C10orf67: variants seen among roughly 807,000 people sequenced by gnomAD.
C10orf67 encodes the protein uncharacterized protein C10orf67, mitochondrial.
In C10orf67, 60 loss-of-function variants were observed where a neutral mutation model predicts 35.6. That is an observed-to-expected ratio of 1.68 (90% CI 1.37 to 2.09). C10orf67 has a LOEUF of 2.09. Among genes scored for constraint, C10orf67 ranks in the 30% most tolerant of loss-of-function variants. C10orf67 has a pLI of 0.00. For missense variants in C10orf67, 474 were observed against 330.2 expected (o/e 1.44, Z -3.38); for synonymous variants, 167 against 115.8 (o/e 1.44, Z -2.84).
intron 12 of C10orf67, among the ~76,000 whole-genome samples, chr10:23,240,194 A>C (rs1042553220): frequency 5.9e-5 from 9 of 152,120 alleles, no homozygotes; most frequent in Non-Finnish European, 1.3e-4. Flanking sequence ...CTGTCTGACA[A>C]AAAACCAAAA....
At chr10:23,252,888 A>G (rs1314893029) in intron 10 of C10orf67, among the ~76,000 whole-genome samples, 2 of 152,082 alleles carry the variant, frequency 1.3e-5, no homozygotes, top group Non-Finnish European at 2.9e-5. Context: ...TAGCTCCCAT[A>G]ATTCCCACGT....
chr10:23,236,255 A>G lies in C10orf67; in HGVS notation c.1434+3474T>C, dbSNP rs1184672522. 1.7e-4 allele frequency among the ~76,000 whole-genome samples: 5 copies of G among 29,120 alleles called. No homozygotes were observed. In the South Asian group the frequency reaches 5.2e-3, roughly 31 times the overall value. 19.1% of individuals were successfully genotyped at this position (29,120 alleles called of 152,430 possible). On this transcript the variant is annotated intron_variant, in intron 13 of 15. Transcript: ENST00000636213. ...CAGAGCGAGACTCCCTCTCGGGGGA[A>G]AAAAAAAAAAAAAAAAAAAAAAAAA...
At chr10:23,250,333 TC>T (rs1249547406) in intron 12 of C10orf67, 121 bp downstream of exon 12, 3 of 394,582 alleles carry the variant, frequency 7.6e-6, no homozygotes, top group Non-Finnish European at 1.3e-5. Flanking sequence ...ATTTTGCATT[TC>T]TTGTAGAAGT....
chr10:23,304,804 G>T (rs1004581429), intron 4 of C10orf67, among the ~76,000 whole-genome samples: 1 of 152,148 alleles, frequency 6.6e-6, no homozygotes. Context: ...CCCACCATCT[G>T]CAAACCCAAC....
chr10:23,339,100 T>C (rs1373562582), intron 1 of C10orf67, among the ~76,000 whole-genome samples: 1 of 152,218 alleles, frequency 6.6e-6, no homozygotes, highest in Non-Finnish European at 1.5e-5. Context: ...CTTTAGGATC[T>C]GCTGGTTTGG....
At chr10:23,344,297 G>T in intron 1 of C10orf67, 1 of 510,084 alleles carries the variant, frequency 2.0e-6, no homozygotes, top group Non-Finnish European at 3.5e-6. Context: ...TGGGGGAAGG[G>T]GGAAGAGATG....
intron 8 of C10orf67, among the ~76,000 whole-genome samples, chr10:23,276,034 C>T (rs944904853): frequency 1.2e-4 from 19 of 152,138 alleles, no homozygotes; most frequent in East Asian, 1.2e-3. Context: ...GAAGCTTCCA[C>T]GTTTCTTCCC....
At chr10:23,219,762 T>A (rs984574928) in intron 15 of C10orf67, among the ~76,000 whole-genome samples, 2 of 152,220 alleles carry the variant, frequency 1.3e-5, no homozygotes, top group African/African-American at 4.8e-5. Flanking sequence ...AACATTATTT[T>A]AAATTATATT....
At chr10:23,246,093 A>G (rs889672558) in intron 12 of C10orf67, among the ~76,000 whole-genome samples, 3 of 152,208 alleles carry the variant, frequency 2.0e-5, no homozygotes, top group African/African-American at 7.2e-5. Flanking sequence ...ACAAACTAAC[A>G]CAGGAACAGA....
At chr10:23,239,906 T>A (rs548625794) in intron 12 of C10orf67, 90 bp from the exon 13 acceptor site, 1 of 457,252 alleles carries the variant, frequency 2.2e-6, no homozygotes, top group African/African-American at 2.0e-5. Context: ...GGAAACTACA[T>A]TAAAATTTTA....
intron 8 of C10orf67, among the ~76,000 whole-genome samples, chr10:23,276,173 C>T (rs923653788): frequency 6.6e-6 from 1 of 152,118 alleles, no homozygotes; most frequent in Admixed American, 6.5e-5. Context: ...AATGCTTTAA[C>T]CACTGAGTGT....
chr10:23,331,139 A>G (rs1295770726), intron 2 of C10orf67, among the ~76,000 whole-genome samples: 1 of 73,394 alleles, frequency 1.4e-5, no homozygotes, highest in African/African-American at 4.2e-5. Flanking sequence ...AGAGGAACCG[A>G]GACGGGAACC....
intron 1 of C10orf67, among the ~76,000 whole-genome samples, chr10:23,335,245 A>T (rs1309996016): frequency 1.3e-5 from 2 of 151,814 alleles, no homozygotes; most frequent in Non-Finnish European, 2.9e-5. Flanking sequence ...TCAGCCATTG[A>T]CTCAATTAGC....
At chr10:23,223,903 G>A in intron 13 of C10orf67, 85 bp from the exon 14 acceptor site, 1 of 686,616 alleles carries the variant, frequency 1.5e-6, no homozygotes, top group Non-Finnish European at 2.7e-6. Context: ...CCAGCCTTTA[G>A]TTGACCAAGA....
Position 23,223,662 on chromosome 10 carries a change from T to G in C10orf67, c.1510-4A>C. The stretch of plus-strand genomic sequence containing the variant: ...CATCCACATGCTTACCGTCTATCTG[T>G]AAGTGAACCAAAACTTTTCATTACT... On this transcript the variant is annotated splice_region_variant and splice_polypyrimidine_tract_variant and intron_variant, in intron 14 of 15. Coordinates refer to ENST00000636213, the MANE Select transcript of C10orf67 (RefSeq NM_001371909.1). 1.4e-6 allele frequency: 1 copy of G among 717,538 alleles called. No individual in the cohort carries two copies. The allele number at this position is 717,538 out of a possible 1,614,324, so 44.4% of individuals were successfully genotyped here.
intron 13 of C10orf67, among the ~76,000 whole-genome samples, chr10:23,227,046 T>C (rs1841761145): frequency 6.6e-6 from 1 of 152,160 alleles, no homozygotes; most frequent in Non-Finnish European, 1.5e-5. Flanking sequence ...TCTGAAACTA[T>C]TCCAATCAAT....
intron 8 of C10orf67, 27 bp from the exon 9 acceptor site, chr10:23,267,281 G>A (rs1010524040): frequency 4.4e-6 from 3 of 685,470 alleles, no homozygotes; most frequent in Non-Finnish European, 8.0e-6. Flanking sequence ...CCATATCATT[G>A]GTTATTATCT....
chr10:23,296,699 G>C (rs776171520), intron 5 of C10orf67, among the ~76,000 whole-genome samples: 3 of 152,164 alleles, frequency 2.0e-5, no homozygotes, highest in Admixed American at 2.0e-4. Context: ...GCTGGTCCAG[G>C]GGTCTGTGGT....
At chr10:23,208,665 T>A (rs1194315407) in intron 15 of C10orf67, among the ~76,000 whole-genome samples, 2 of 152,198 alleles carry the variant, frequency 1.3e-5, no homozygotes, top group Non-Finnish European at 2.9e-5. Flanking sequence ...AATGAGTGAA[T>A]GGATTAACAA....
Sources: gnomAD v4.1 joint callset for allele counts (sites outside exome capture counted in the v4.1 genomes callset) on GRCh38, gnomAD v4.1.1 for gene constraint, MANE v1.5 for transcripts, NCBI Gene and HGNC (gene_info 2026-07-23, HGNC 2026-07-21) for gene names.